CD79A: variants seen among roughly 807,000 people sequenced by gnomAD.
CD79A encodes the protein CD79a molecule.
A neutral mutation model predicts 27.4 loss-of-function variants in CD79A; 16 were observed. The ratio of observed to expected loss-of-function variants is 0.58; its 90% CI spans 0.40 to 0.89. The LOEUF is 0.89. Ranked by LOEUF, CD79A falls within the 40% of genes least tolerant of loss-of-function variation. The pLI is 0.00. For synonymous variants in CD79A, 110 were observed against 132.7 expected (o/e 0.83, Z 1.18); for missense variants, 237 against 299.7 (o/e 0.79, Z 1.55).
Position 41,881,316 on chromosome 19 carries a change from C to T in CD79A, c.*336C>T, listed in dbSNP as rs2074223926. On this transcript the variant is annotated 3_prime_UTR_variant, in exon 5 of 5. Transcript: ENST00000221972. ...ATTGTAGCAGCCTCGTTAGTGTCAC[C>T]CCCTCCTCCCTGATCTGTCAGGGCC... The T allele has an allele frequency of 6.4e-6, 3 of 468,222 alleles. No individual in the cohort carries two copies. The highest frequency in any genetic ancestry group is 1.9e-5 in the African/African-American group (1 of 51,790). The allele number at this position is 468,222 out of a possible 1,614,324, so 29.0% of individuals were successfully genotyped here. A position where few individuals can be genotyped will look rare whatever the true frequency, so the allele number is the denominator to read the frequency against.
At position 41,879,637 on chromosome 19, in the gene CD79A, CGCT is replaced by C. The variant is rs2074210065; in HGVS notation, c.490_492del (p.Leu164del). 6.2e-7 allele frequency: 1 copy of C among 1,609,110 alleles called. No individual in the cohort carries two copies. The highest frequency in any genetic ancestry group is 8.5e-7 in the Non-Finnish European group (1 of 1,176,576). On this transcript the variant is annotated inframe_deletion, in exon 3 of 5. Transcript: ENST00000221972. This position sits in a 1 kb window ranked among gnomAD's most constrained non-coding sequence, Gnocchi z 5.1. ...CTGTTCTGCGCGGTGGTGCCTGGGA[CGCT>C]GCTGCTGTTCAGGGTGAGCCCCCTC...
Position 41,877,498 on chromosome 19 carries a change from A to G in CD79A, c.79+115A>G. ...GAAAGGGGAAGAGGAGGCAGAGGATAGGGGACCCAGGGAAGATGCCTATAG... is the reference window on the plus strand; with the variant it reads ...GAAAGGGGAAGAGGAGGCAGAGGATGGGGGACCCAGGGAAGATGCCTATAG... On this transcript the variant is annotated intron_variant, in intron 1 of 4. Coordinates refer to ENST00000221972, the MANE Select transcript of CD79A (RefSeq NM_001783.4). This position sits in a 1 kb window ranked among gnomAD's most constrained non-coding sequence, Gnocchi z 4.1. 1.2e-6 allele frequency: 1 copy of G among 841,122 alleles called. No homozygotes were observed. The highest frequency in any genetic ancestry group is 1.9e-5 in the Admixed American group (1 of 52,344). 52.1% of individuals were successfully genotyped at this position (841,122 alleles called of 1,614,324 possible).
rs1313119037 is a variant in CD79A, at chr19:41,878,660, G to GT, written c.80-329dup. The stretch of plus-strand genomic sequence containing the variant: ...TTCACAGGGCCAGAGTACAAAGTGG[G>GT]TATGCGGGAGGGGGGCAAGAGATGG... On this transcript the variant is annotated intron_variant, in intron 1 of 4. Coordinates refer to ENST00000221972, the MANE Select transcript of CD79A (RefSeq NM_001783.4). The surrounding 1 kb of genome is among the most constrained non-coding windows in gnomAD (Gnocchi z 4.3). 6.6e-6 allele frequency among the ~76,000 whole-genome samples: 1 copy of GT among 152,078 alleles called. No individual in the cohort carries two copies. The highest frequency in any genetic ancestry group is 1.5e-5 in the Non-Finnish European group (1 of 68,008).
chr19:41,879,328 G>T lies in CD79A; in HGVS notation c.379+39G>T, dbSNP rs114130534. ...CCCTGGCCCCTACTCCCACTGTCCCGCTGGGGACACTCGGTTTATCTTTGA... is the reference window on the plus strand; with the variant it reads ...CCCTGGCCCCTACTCCCACTGTCCCTCTGGGGACACTCGGTTTATCTTTGA... On this transcript the variant is annotated intron_variant, in intron 2 of 4. Coordinates refer to ENST00000221972, the MANE Select transcript of CD79A (RefSeq NM_001783.4). The surrounding 1 kb of genome is among the most constrained non-coding windows in gnomAD (Gnocchi z 5.1). The T allele has an allele frequency of 2.5e-4, 399 of 1,574,806 alleles. 1 individual carries two copies. The African/African-American group carries it at 4.8e-3, about 19-fold the overall frequency.
In CD79A at chr19:41,877,290, A is replaced by G; in HGVS notation, c.-15A>G. ...GGACTGCTGCAACTCAAACTAACCA[A>G]CCCACTGGGAGAAGATGCCTGGGGG... On this transcript the variant is annotated 5_prime_UTR_variant, in exon 1 of 5. Coordinates refer to ENST00000221972, the MANE Select transcript of CD79A (RefSeq NM_001783.4). This position sits in a 1 kb window ranked among gnomAD's most constrained non-coding sequence, Gnocchi z 4.1. 1 of 1,610,062 alleles carries G rather than the reference A, an allele frequency of 6.2e-7. No individual in the cohort carries two copies. Among genetic ancestry groups the G allele is most frequent in the African/African-American group, 1.3e-5 (1 of 74,858 alleles).
chr19:41,879,288 C>T lies in CD79A; in HGVS notation c.378C>T (p.Arg126=). 15 of 1,611,670 alleles carry T rather than the reference C, an allele frequency of 9.3e-6. No homozygotes were observed. The highest frequency in any genetic ancestry group is 1.3e-5 in the Non-Finnish European group (15 of 1,179,744). ...QQSCGTYLRV[R]QPPPRPFLDM... ...CCTGCGGCACCTACCTCCGCGTGCGCCGTGAGTGGCCCAGCCCTGGCCCCT... is the reference window on the plus strand; with the variant it reads ...CCTGCGGCACCTACCTCCGCGTGCGTCGTGAGTGGCCCAGCCCTGGCCCCT... Residue 126 remains arginine (R), a splice_region_variant and synonymous_variant, in exon 2 of 5, where the codon CGC becomes CGT. Transcript: ENST00000221972. The surrounding 1 kb of genome is among the most constrained non-coding windows in gnomAD (Gnocchi z 5.1).
rs1054593844 is a variant in CD79A, at chr19:41,878,866, C to G, written c.80-124C>G. ...TATCAGCCCCTGTCAGGGGCTCTCT[C>G]TCTCCCTCCCCACCCAGGAGAGTCC... is the stretch of plus-strand genomic sequence containing the variant. On this transcript the variant is annotated intron_variant, in intron 1 of 4. Transcript: ENST00000221972. The surrounding 1 kb of genome is among the most constrained non-coding windows in gnomAD (Gnocchi z 4.3). 2 of 750,896 alleles carry G rather than the reference C, an allele frequency of 2.7e-6. No individual in the cohort carries two copies. The highest frequency in any genetic ancestry group is 4.4e-6 in the Non-Finnish European group (2 of 449,884). The allele number at this position is 750,896 out of a possible 1,614,324, so 46.5% of individuals were successfully genotyped here. A position where few individuals can be genotyped will look rare whatever the true frequency, so the allele number is the denominator to read the frequency against.
At position 41,877,314 on chromosome 19, in the gene CD79A, G is replaced by A. The variant is rs782355570; in HGVS notation, c.10G>A (p.Gly4Ser). MPG[G>S]PGVLQALPAT... ...AACCCACTGGGAGAAGATGCCTGGG[G>A]GTCCAGGAGTCCTCCAAGCTCTGCC... Residue 4 changes from glycine (G) to serine (S), a missense_variant, in exon 1 of 5, where the codon GGT becomes AGT. By Grantham distance (56) the Gly-to-Ser change is moderately conservative. Transcript: ENST00000221972. This position sits in a 1 kb window ranked among gnomAD's most constrained non-coding sequence, Gnocchi z 4.1. The A allele has an allele frequency of 6.2e-7, 1 of 1,613,922 alleles. No individual in the cohort carries two copies. Among genetic ancestry groups the A allele is most frequent in the Non-Finnish European group, 8.5e-7 (1 of 1,179,790 alleles).
chr19:41,880,471 A>AGGAAGGAG (rs2074216451), intron 3 of CD79A, among the ~76,000 whole-genome samples, 199 bp from the exon 4 acceptor site: 1 of 146,676 alleles, frequency 6.8e-6, no homozygotes, highest in Non-Finnish European at 1.5e-5. Context: ...GAAGGAAGGA[A>AGGAAGGAG]GGAAGGAAGG....
In CD79A at chr19:41,879,139, C is replaced by T; in HGVS notation, c.229C>T (p.Pro77Ser). 6.2e-7 allele frequency: 1 copy of T among 1,614,110 alleles called. No individual in the cohort carries two copies. Among genetic ancestry groups the T allele is most frequent in the Non-Finnish European group, 8.5e-7 (1 of 1,180,028 alleles). The change falls in exon 2 of 5, where the codon CCC becomes TCC. Residue 77 changes from proline (P) to serine (S), a missense_variant. Coordinates refer to ENST00000221972, the MANE Select transcript of CD79A (RefSeq NM_001783.4). This position sits in a 1 kb window ranked among gnomAD's most constrained non-coding sequence, Gnocchi z 5.1. ...CGTCCTCCATGGCAACTACACGTGG[C>T]CCCCTGAGTTCTTGGGCCCGGGCGA... ...WRVLHGNYTW[P>S]PEFLGPGEDP... is the part of the protein sequence containing the mutation.
Position 41,879,441 on chromosome 19 carries a change from TG to T in CD79A, c.380-88del. On this transcript the variant is annotated intron_variant, in intron 2 of 4. Transcript: ENST00000221972. The surrounding 1 kb of genome is among the most constrained non-coding windows in gnomAD (Gnocchi z 5.1). The stretch of plus-strand genomic sequence containing the variant: ...ATTCTCCTCTGCAGAGTGGGGTCTC[TG>T]GGGGGTCTGGGGCCTTGCAGGAGGT... 1 of 1,197,800 alleles carries T rather than the reference TG, an allele frequency of 8.3e-7. No homozygotes were observed. The highest frequency in any genetic ancestry group is 1.2e-6 in the Non-Finnish European group (1 of 835,820). The allele number at this position is 1,197,800 out of a possible 1,614,324, so 74.2% of individuals were successfully genotyped here. A position where few individuals can be genotyped will look rare whatever the true frequency, so the allele number is the denominator to read the frequency against.
At position 41,879,682 on chromosome 19, in the gene CD79A, C is replaced by T. The variant is rs373877668; in HGVS notation, c.498+29C>T. On this transcript the variant is annotated intron_variant, in intron 3 of 4. Coordinates refer to ENST00000221972, the MANE Select transcript of CD79A (RefSeq NM_001783.4). The surrounding 1 kb of genome is among the most constrained non-coding windows in gnomAD (Gnocchi z 5.1). ...AGCCCCCTCGGACCTCTGAGTCAGC[C>T]GGGCGAGGGCCTGGGCCGAGGGACC... 8.1e-6 allele frequency: 12 copies of T among 1,488,382 alleles called. No homozygotes were observed. In the African/African-American group the frequency reaches 8.3e-5, roughly 10 times the overall value. 92.2% of individuals were successfully genotyped at this position (1,488,382 alleles called of 1,614,324 possible).
chr19:41,881,195 C>T lies in CD79A; in HGVS notation c.*215C>T. 1 of 617,226 alleles carries T rather than the reference C, an allele frequency of 1.6e-6. No individual in the cohort carries two copies. Among genetic ancestry groups the T allele is most frequent in the Admixed American group, 2.5e-5 (1 of 40,266 alleles). The allele number at this position is 617,226 out of a possible 1,614,324, so 38.2% of individuals were successfully genotyped here. The stretch of plus-strand genomic sequence containing the variant: ...CACTCTTCTTCCCTCTAAACTGCCC[C>T]ACCTCCTAACCTAATCCCCCCGCCC... On this transcript the variant is annotated 3_prime_UTR_variant, in exon 5 of 5. Transcript: ENST00000221972.
intron 3 of CD79A, among the ~76,000 whole-genome samples, chr19:41,880,391 AAGAGAGAGAG>A (rs370824087): frequency 8.6e-4 from 104 of 121,590 alleles, no homozygotes; most frequent in Non-Finnish European, 1.3e-3. Context: ...GAGAGAGAGA[AAGAGAGAGAG>A]AGAGAGAGAG....
chr19:41,880,391 A>AAGAGAGAGAGAG (rs370824087), intron 3 of CD79A, among the ~76,000 whole-genome samples: 1 of 121,594 alleles, frequency 8.2e-6, no homozygotes, highest in East Asian at 2.9e-4. Context: ...GAGAGAGAGA[A>AAGAGAGAGAGAG]AGAGAGAGAG....
At chr19:41,880,445 A>T (rs2123306537) in intron 3 of CD79A, among the ~76,000 whole-genome samples, 1 of 86,270 alleles carries the variant, frequency 1.2e-5, no homozygotes, top group East Asian at 4.0e-4. Context: ...GAGGGAAGGA[A>T]GGGAAGGGAA....
chr19:41,880,645 G>GCGGCCCC, intron 3 of CD79A, 25 bp from the exon 4 acceptor site: 3 of 1,134,294 alleles, frequency 2.6e-6, no homozygotes, highest in Non-Finnish European at 2.6e-6. Flanking sequence ...GCTCACTGAG[G>GCGGCCCC]CACCCACCCC....
Position 41,881,122 on chromosome 19 carries a change from C to A in CD79A, c.*142C>A. The A allele has an allele frequency of 1.4e-6, 1 of 703,152 alleles. No homozygotes were observed. The highest frequency in any genetic ancestry group is 2.6e-6 in the Non-Finnish European group (1 of 390,600). 43.6% of individuals were successfully genotyped at this position (703,152 alleles called of 1,614,324 possible). ...CCCCAGTGGGGGGTGGGAGGGTAAC[C>A]TCACTCTTCTCCAGGCCAGGCCTCC... is the stretch of plus-strand genomic sequence containing the variant. On this transcript the variant is annotated 3_prime_UTR_variant, in exon 5 of 5. Transcript: ENST00000221972.
rs926992670 is a variant in CD79A at position 41,879,367 on chromosome 19, C to A, written c.379+78C>A. 1.4e-6 allele frequency: 2 copies of A among 1,408,680 alleles called. No homozygotes were observed. Among genetic ancestry groups the A allele is most frequent in the African/African-American group, 2.8e-5 (2 of 70,874 alleles). The allele number at this position is 1,408,680 out of a possible 1,614,324, so 87.3% of individuals were successfully genotyped here. A position where few individuals can be genotyped will look rare whatever the true frequency, so the allele number is the denominator to read the frequency against. On this transcript the variant is annotated intron_variant, in intron 2 of 4. Transcript: ENST00000221972. This position sits in a 1 kb window ranked among gnomAD's most constrained non-coding sequence, Gnocchi z 5.1. ...GTTTATCTTTGAAGTGGGGATAGAGCCAGTACCTTCAATGTGGGTTTCAAA... is the reference window on the plus strand; with the variant it reads ...GTTTATCTTTGAAGTGGGGATAGAGACAGTACCTTCAATGTGGGTTTCAAA...
Sources: gnomAD v4.1 joint callset for allele counts (sites outside exome capture counted in the v4.1 genomes callset) on GRCh38, gnomAD v4.1.1 for gene constraint, Gnocchi (gnomAD v3.1) non-coding constraint, MANE v1.5 for transcripts, NCBI Gene and HGNC (gene_info 2026-07-23, HGNC 2026-07-21) for gene names.